MCC: variants seen among roughly 807,000 people sequenced by gnomAD.
The protein encoded by MCC is MCC regulator of Wnt signaling pathway.
A neutral mutation model predicts 116.2 loss-of-function variants in MCC; 90 were observed. That is an observed-to-expected ratio of 0.77 (90% CI 0.65 to 0.92). MCC has a LOEUF of 0.92. Ranked by LOEUF, MCC falls within the 40% of genes least tolerant of loss-of-function variation. The probability of loss-of-function intolerance (pLI) is 0.00; values close to 1 mark genes in which losing one functional copy is unlikely to be tolerated. For synonymous variants in MCC, 578 were observed against 510.5 expected, an observed-to-expected ratio of 1.13 and a Z score of -1.78; for missense variants, 1,516 against 1,312.2, an observed-to-expected ratio of 1.16 and a Z score of -2.40.
In MCC at chr5:113,133,520, T is replaced by C. The variant is rs143402316; in HGVS notation, c.884+9698A>G. Among the ~76,000 whole-genome samples, 1,315 of 152,240 alleles carry C rather than the reference T, an allele frequency of 8.6e-3. 26 individuals are homozygous for C. Among genetic ancestry groups the C allele is most frequent in the East Asian group, 0.041 (211 of 5,180 alleles). ...ATTCTATTGTGTGTATCTTCATCTA[T>C]TCATCTGTTGATAGGCACTGATATT... On this transcript the variant is annotated intron_variant, in intron 5 of 18. Transcript: ENST00000408903.
intron 1 of MCC, among the ~76,000 whole-genome samples, chr5:113,401,571 A>G (rs6864528): frequency 0.18 from 28,029 of 151,986 alleles, 3,110 homozygotes; most frequent in Admixed American, 0.31. Flanking sequence ...TGCTTCCCAC[A>G]TCATTTGAAC....
chr5:113,155,266 CTG>C (rs926756104), intron 3 of MCC, among the ~76,000 whole-genome samples: 2 of 152,224 alleles, frequency 1.3e-5, no homozygotes, highest in Non-Finnish European at 2.9e-5. Flanking sequence ...GTACCACACT[CTG>C]TATATCCATT....
chr5:113,470,902 C>G (rs1772070329), intron 1 of MCC, among the ~76,000 whole-genome samples: 1 of 152,102 alleles, frequency 6.6e-6, no homozygotes. Flanking sequence ...TTTCTCTAAA[C>G]TTCTCTTCTC....
chr5:113,053,705 G>GT lies in MCC; in HGVS notation c.2448+19_2448+20insA. On this transcript the variant is annotated intron_variant, in intron 15 of 18. Coordinates refer to ENST00000408903, the MANE Select transcript of MCC (RefSeq NM_001085377.2). ...TCCTCCTGGTGGCAGCCTAGCACATGGGACCCACCCACCACATACCTTCAT... is the reference window on the plus strand; with the variant it reads ...TCCTCCTGGTGGCAGCCTAGCACATGTGGACCCACCCACCACATACCTTCAT... The GT allele has an allele frequency of 6.4e-7, 1 of 1,574,234 alleles. No homozygotes were observed. The highest frequency in any genetic ancestry group is 8.7e-7 in the Non-Finnish European group (1 of 1,146,182).
At chr5:113,289,409 G>C (rs951692937) in intron 3 of MCC, among the ~76,000 whole-genome samples, 1 of 151,930 alleles carries the variant, frequency 6.6e-6, no homozygotes, top group African/African-American at 2.4e-5. Context: ...GGCTTCTGGA[G>C]TGGGTTTAAA....
intron 3 of MCC, among the ~76,000 whole-genome samples, chr5:113,332,182 T>A (rs1767713603): frequency 6.6e-6 from 1 of 151,488 alleles, no homozygotes; most frequent in Admixed American, 6.6e-5. Flanking sequence ...TCTTTTTTGA[T>A]GTTTCCTTTA....
At chr5:113,407,852 G>A (rs1042070087) in intron 1 of MCC, among the ~76,000 whole-genome samples, 1 of 151,940 alleles carries the variant, frequency 6.6e-6, no homozygotes, top group Admixed American at 6.6e-5. Context: ...CTGTGTCCAC[G>A]TGTTTGCATT....
At chr5:113,204,398 C>A (rs1278921235) in intron 3 of MCC, 2 of 152,174 alleles carry the variant, frequency 1.3e-5, no homozygotes, top group African/African-American at 4.8e-5. Context: ...AAAATTCACT[C>A]TCTTTCCCTC....
intron 1 of MCC, among the ~76,000 whole-genome samples, chr5:113,485,454 T>G (rs1772494252): frequency 6.6e-6 from 1 of 152,204 alleles, no homozygotes; most frequent in Non-Finnish European, 1.5e-5. Flanking sequence ...TCTACTGAAG[T>G]AGGCATGGTT....
chr5:113,473,272 C>T (rs1033419012), intron 1 of MCC, among the ~76,000 whole-genome samples: 1 of 151,968 alleles, frequency 6.6e-6, no homozygotes, highest in Non-Finnish European at 1.5e-5. Context: ...ACCTGTAATC[C>T]GAGCACTTTG....
At chr5:113,087,856 T>C (rs1436387086) in intron 8 of MCC, among the ~76,000 whole-genome samples, 1 of 151,886 alleles carries the variant, frequency 6.6e-6, no homozygotes, top group African/African-American at 2.4e-5. Flanking sequence ...ATTAAAACTA[T>C]CCATGTTTTA....
At chr5:113,148,284 T>C (rs982086095) in intron 4 of MCC, among the ~76,000 whole-genome samples, 1 of 152,214 alleles carries the variant, frequency 6.6e-6, no homozygotes, top group Non-Finnish European at 1.5e-5. Flanking sequence ...TATACAGCAA[T>C]AGAAAATTAA....
chr5:113,379,717 T>C (rs549362197), intron 2 of MCC, among the ~76,000 whole-genome samples: 1 of 152,334 alleles, frequency 6.6e-6, no homozygotes, highest in South Asian at 2.1e-4. Context: ...CTGGGATGGC[T>C]TAAACCGATA....
chr5:113,025,168 A>G lies in MCC; in HGVS notation c.*2134T>C, dbSNP rs1164520605. The stretch of plus-strand genomic sequence containing the variant: ...CCATTTGATGCCTGCTTAATCACAA[A>G]AAAGAGCCATGCACATCCCACTTTG... On this transcript the variant is annotated 3_prime_UTR_variant, in exon 19 of 19. Transcript: ENST00000408903. 2.0e-5 allele frequency: 3 copies of G among 152,156 alleles called. No individual in the cohort carries two copies. Among genetic ancestry groups the G allele is most frequent in the Non-Finnish European group, 4.4e-5 (3 of 68,036 alleles). 9.4% of individuals were successfully genotyped at this position (152,156 alleles called of 1,614,324 possible).
chr5:113,170,660 A>G (rs1288240405), intron 3 of MCC, among the ~76,000 whole-genome samples: 1 of 151,208 alleles, frequency 6.6e-6, no homozygotes, highest in African/African-American at 2.4e-5. Flanking sequence ...TTTATATATA[A>G]CTCTCCTTAC....
intron 3 of MCC, among the ~76,000 whole-genome samples, chr5:113,209,025 G>T (rs752838586): frequency 1.3e-5 from 2 of 152,154 alleles, no homozygotes; most frequent in Non-Finnish European, 1.5e-5. Context: ...CTTCAAAAAG[G>T]AAATTGATAC....
chr5:113,126,723 C>T (rs759572606), intron 5 of MCC, among the ~76,000 whole-genome samples: 14 of 152,148 alleles, frequency 9.2e-5, no homozygotes, highest in Non-Finnish European at 1.5e-5. Context: ...AGATACTAGT[C>T]TATGTGTTAA....
At chr5:113,435,194 G>A (rs1308111665) in intron 1 of MCC, 6 of 239,798 alleles carry the variant, frequency 2.5e-5, no homozygotes, top group Admixed American at 2.5e-4. Flanking sequence ...TGGGACACAT[G>A]GGCCTGCCCA....
intron 3 of MCC, among the ~76,000 whole-genome samples, chr5:113,189,447 C>A (rs1025615254): frequency 6.6e-6 from 1 of 152,140 alleles, no homozygotes; most frequent in Non-Finnish European, 1.5e-5. Flanking sequence ...AAAGTATGCC[C>A]TTTAGGTGTA....
Sources: allele counts gnomAD v4.1 joint callset (sites outside exome capture counted in the v4.1 genomes callset), GRCh38; gene constraint gnomAD v4.1.1; transcripts MANE v1.5; gene names NCBI Gene and HGNC (gene_info 2026-07-23, HGNC 2026-07-21).